Variants in GRM5 observed in about 807,000 individuals in gnomAD.
GRM5 encodes the protein metabotropic glutamate receptor 5.
A neutral mutation model predicts 83.1 loss-of-function variants in GRM5; 19 were observed. The observed-to-expected ratio is 0.23, with a 90% CI of 0.16 to 0.34. GRM5 has a LOEUF of 0.34. Among genes scored for constraint, GRM5 ranks in the 10% least tolerant of loss-of-function variants. The pLI, the probability that GRM5 is intolerant of heterozygous loss-of-function variation, is 1.00. For synonymous variants in GRM5, 675 were observed against 633.6 expected, an observed-to-expected ratio of 1.07 and a Z score of -0.98; for missense variants, 1,160 against 1,588.3, an observed-to-expected ratio of 0.73 and a Z score of 4.58.
At chr11:88,983,231 A>G (rs549455529) in intron 2 of GRM5, among the ~76,000 whole-genome samples, 2 of 152,270 alleles carry the variant, frequency 1.3e-5, no homozygotes, top group South Asian at 2.1e-4. Flanking sequence ...TATCATTACA[A>G]TTTTTTCTTC....
chr11:88,898,702 C>T (rs1342513710), intron 2 of GRM5, among the ~76,000 whole-genome samples: 1 of 151,888 alleles, frequency 6.6e-6, no homozygotes, highest in Non-Finnish European at 1.5e-5. Flanking sequence ...CCTTTTCTCC[C>T]AGGTATTTAT....
intron 9 of GRM5, among the ~76,000 whole-genome samples, chr11:88,521,026 C>T (rs1941670039): frequency 6.6e-6 from 1 of 152,120 alleles, no homozygotes; most frequent in African/African-American, 2.4e-5. Flanking sequence ...AGAGAGCTGT[C>T]TATTTCATTT....
At chr11:88,558,071 A>G (rs568970031) in intron 8 of GRM5, among the ~76,000 whole-genome samples, 193 of 152,256 alleles carry the variant, frequency 1.3e-3, no homozygotes, top group African/African-American at 4.4e-3. Flanking sequence ...TCCAAAGGGC[A>G]GGCTTTGTGT....
Position 88,920,151 on chromosome 11 carries a change from G to C in GRM5, c.662-69996C>G, listed in dbSNP as rs569773544. 2.0e-5 allele frequency among the ~76,000 whole-genome samples: 3 copies of C among 151,944 alleles called. No homozygotes were observed. The South Asian group carries it at 6.2e-4, about 32-fold the overall frequency. On this transcript the variant is annotated intron_variant, in intron 2 of 9. Transcript: ENST00000305447. ...GGATAAAAAAATCAACAAACCTTTA[G>C]CCAGACTAAAAACAAAAGAGAGAAG...
At chr11:88,712,615 T>C (rs1941307989) in intron 3 of GRM5, among the ~76,000 whole-genome samples, 1 of 151,992 alleles carries the variant, frequency 6.6e-6, no homozygotes, top group South Asian at 2.1e-4. Flanking sequence ...ATCTTAGGGT[T>C]AAAATGGTCT....
chr11:89,060,291 C>T (rs1175602217), intron 1 of GRM5, among the ~76,000 whole-genome samples: 23 of 151,610 alleles, frequency 1.5e-4, no homozygotes, highest in African/African-American at 5.6e-4. Flanking sequence ...TATATACACA[C>T]ACACACACAC....
At chr11:88,706,887 GT>G (rs1388546155) in intron 3 of GRM5, among the ~76,000 whole-genome samples, 1 of 152,022 alleles carries the variant, frequency 6.6e-6, no homozygotes, top group Admixed American at 6.6e-5. Context: ...AATGAATGGT[GT>G]TTTTGAGGGA....
Position 88,504,706 on chromosome 11 carries a change from T to G in GRM5, c.*3886A>C, listed in dbSNP as rs183613675. 5.3e-5 allele frequency: 8 copies of G among 152,106 alleles called. No individual in the cohort carries two copies. Among genetic ancestry groups the G allele is most frequent in the Non-Finnish European group, 1.5e-5 (1 of 67,932 alleles). The allele number at this position is 152,106 out of a possible 1,614,324, so 9.4% of individuals were successfully genotyped here. A position where few individuals can be genotyped will look rare whatever the true frequency, so the allele number is the denominator to read the frequency against. ...CTAAAATAAAACATATTTATACAAG[T>G]ACAAAGCAAAACAATGCTGATAAAA... On this transcript the variant is annotated 3_prime_UTR_variant, in exon 10 of 10. Transcript: ENST00000305447.
chr11:88,614,547 G>A (rs1565154754), intron 4 of GRM5, among the ~76,000 whole-genome samples: 1 of 152,072 alleles, frequency 6.6e-6, no homozygotes, highest in Non-Finnish European at 1.5e-5. Context: ...GTCCACAATA[G>A]ACAGCAACTG....
chr11:89,063,208 C>T (rs531516040), intron 1 of GRM5, among the ~76,000 whole-genome samples: 2 of 152,352 alleles, frequency 1.3e-5, no homozygotes, highest in East Asian at 3.9e-4. Context: ...CCTTAGAGAG[C>T]GGGAACTCGG....
At chr11:88,827,569 C>G (rs1234751174) in intron 3 of GRM5, among the ~76,000 whole-genome samples, 1 of 152,160 alleles carries the variant, frequency 6.6e-6, no homozygotes, top group Non-Finnish European at 1.5e-5. Flanking sequence ...TATTTTGTAC[C>G]AGAACATAAA....
intron 3 of GRM5, among the ~76,000 whole-genome samples, chr11:88,719,043 A>G (rs1993843): frequency 0.86 from 129,842 of 151,636 alleles, 57,138 homozygotes; most frequent in Non-Finnish European, 0.97. Context: ...TTTCTCCTTA[A>G]CATTTATTAT....
chr11:88,938,474 T>A (rs1225597046), intron 2 of GRM5, among the ~76,000 whole-genome samples: 3 of 151,546 alleles, frequency 2.0e-5, no homozygotes. Flanking sequence ...TTATTGGGTC[T>A]GTATTTAGTG....
chr11:88,771,970 G>T (rs1449036864), intron 3 of GRM5, among the ~76,000 whole-genome samples: 1 of 151,906 alleles, frequency 6.6e-6, no homozygotes, highest in Non-Finnish European at 1.5e-5. Flanking sequence ...GTAACCTTTG[G>T]AGACTGACTT....
chr11:88,901,320 C>T (rs1229304064), intron 2 of GRM5, among the ~76,000 whole-genome samples: 1 of 152,100 alleles, frequency 6.6e-6, no homozygotes, highest in East Asian at 1.9e-4. Context: ...ACTTAGTTCT[C>T]ACAACAATCC....
At chr11:88,849,582 A>G (rs1271912729) in intron 3 of GRM5, among the ~76,000 whole-genome samples, 2 of 152,220 alleles carry the variant, frequency 1.3e-5, no homozygotes, top group Admixed American at 1.3e-4. Flanking sequence ...TTTAAAAGCA[A>G]CTATGAGTTT....
rs575237850 is a variant in GRM5, at chr11:88,841,328, G to C, written c.911+8578C>G. On this transcript the variant is annotated intron_variant, in intron 3 of 9. Transcript: ENST00000305447. ...TTCTCATTATCTTGACAATTTTTAA[G>C]CCAAATATCTTTGTAAAATTATCAA... Among the ~76,000 whole-genome samples the C allele has an allele frequency of 3.9e-4, 60 of 152,216 alleles. 1 individual carries two copies. The highest frequency in any genetic ancestry group is 1.4e-3 in the African/African-American group (59 of 41,530).
chr11:88,742,055 A>G (rs1036941267), intron 3 of GRM5, among the ~76,000 whole-genome samples: 1 of 151,926 alleles, frequency 6.6e-6, no homozygotes, highest in African/African-American at 2.4e-5. Context: ...AAGGAAGGTT[A>G]GGCTGTGCCA....
At chr11:89,004,954 A>G (rs879269949) in intron 2 of GRM5, among the ~76,000 whole-genome samples, 2 of 152,126 alleles carry the variant, frequency 1.3e-5, no homozygotes, top group East Asian at 1.9e-4. Flanking sequence ...ACCAGGAAAA[A>G]CAGCATATGG....
Sources: allele counts gnomAD v4.1 joint callset (sites outside exome capture counted in the v4.1 genomes callset), GRCh38; gene constraint gnomAD v4.1.1; transcripts MANE v1.5; gene names NCBI Gene and HGNC (gene_info 2026-07-23, HGNC 2026-07-21).